Variants in FAT3 observed in about 807,000 individuals in gnomAD.
FAT3 encodes protocadherin Fat 3.
FAT3 carries 95 observed loss-of-function variants against 310.2 expected under a neutral mutation model. The observed-to-expected ratio is 0.31, with a 90% CI of 0.26 to 0.36. The LOEUF (loss-of-function observed/expected upper bound fraction) is 0.36. Among genes scored for constraint, FAT3 ranks in the 10% least tolerant of loss-of-function variants. The probability of loss-of-function intolerance (pLI) is 1.00; values close to 1 mark genes in which losing one functional copy is unlikely to be tolerated. For missense variants in FAT3, 5,408 were observed against 5,715.6 expected, an observed-to-expected ratio of 0.95 and a Z score of 1.74; for synonymous variants, 2,314 against 2,192.9, an observed-to-expected ratio of 1.06 and a Z score of -1.54.
chr11:92,852,879 T>C (rs543744693), intron 19 of FAT3, among the ~76,000 whole-genome samples: 51 of 152,196 alleles, frequency 3.4e-4, no homozygotes, highest in Non-Finnish European at 5.6e-4. Flanking sequence ...GAGCTCCAGT[T>C]GCTGGTCTAA....
chr11:92,782,507 G>A (rs925280629), intron 7 of FAT3, among the ~76,000 whole-genome samples: 34 of 152,224 alleles, frequency 2.2e-4, no homozygotes, highest in African/African-American at 7.9e-4. Context: ...GGGAGGTCGA[G>A]GCTGCAGTGA....
At chr11:92,282,030 T>G (rs1946437901) in intron 1 of FAT3, among the ~76,000 whole-genome samples, 1 of 151,958 alleles carries the variant, frequency 6.6e-6, no homozygotes, top group African/African-American at 2.4e-5. Context: ...CTCAGTCTCC[T>G]GGGGAGCTAG....
chr11:92,263,742 C>A (rs542977896), intron 1 of FAT3, among the ~76,000 whole-genome samples: 1 of 152,028 alleles, frequency 6.6e-6, no homozygotes, highest in African/African-American at 2.4e-5. Context: ...AGCATTTGCC[C>A]ATTGTATCAT....
intron 1 of FAT3, among the ~76,000 whole-genome samples, chr11:92,271,368 C>G (rs763625383): frequency 2.6e-5 from 4 of 152,152 alleles, no homozygotes; most frequent in African/African-American, 4.8e-5. Context: ...CCCTCTGCTG[C>G]TTTCTGTCTT....
At chr11:92,586,743 C>A (rs189395701) in intron 3 of FAT3, among the ~76,000 whole-genome samples, 170 of 152,010 alleles carry the variant, frequency 1.1e-3, no homozygotes, top group African/African-American at 4.0e-3. Context: ...AATAATGAGT[C>A]TGAATAATGG....
rs114520251 is a variant in FAT3 at position 92,643,023 on chromosome 11, C to A, written c.3608-54361C>A. Among the ~76,000 whole-genome samples the A allele has an allele frequency of 4.2e-3, 643 of 152,244 alleles. 4 individuals are homozygous for A. The highest frequency in any genetic ancestry group is 0.015 in the African/African-American group (611 of 41,542). ...ATGAAGCAGAATACATTATTTCAGC[C>A]TCAGGATGCTTATCTTTTGCTTTAA... On this transcript the variant is annotated intron_variant, in intron 3 of 27. Transcript: ENST00000525166.
At chr11:92,634,216 G>A (rs1368491439) in intron 3 of FAT3, among the ~76,000 whole-genome samples, 1 of 152,178 alleles carries the variant, frequency 6.6e-6, no homozygotes, top group Non-Finnish European at 1.5e-5. Context: ...TCTGTGTTGA[G>A]GTTCTGACCT....
intron 2 of FAT3, among the ~76,000 whole-genome samples, chr11:92,382,018 A>G (rs1351730486): frequency 6.6e-6 from 1 of 152,148 alleles, no homozygotes; most frequent in Non-Finnish European, 1.5e-5. Context: ...GCTAAATCTC[A>G]TAAAATGCCA....
intron 3 of FAT3, among the ~76,000 whole-genome samples, chr11:92,566,136 C>T (rs1321493779): frequency 6.6e-6 from 1 of 152,096 alleles, no homozygotes; most frequent in Non-Finnish European, 1.5e-5. Context: ...TCTAGAAAAC[C>T]CCATTGTCTC....
At chr11:92,238,767 A>T (rs566351435) in intron 1 of FAT3, among the ~76,000 whole-genome samples, 2 of 152,156 alleles carry the variant, frequency 1.3e-5, no homozygotes, top group South Asian at 4.1e-4. Context: ...TATTTTTACC[A>T]TAGAGATGAT....
At chr11:92,257,855 A>G (rs1335813690) in intron 1 of FAT3, among the ~76,000 whole-genome samples, 1 of 152,110 alleles carries the variant, frequency 6.6e-6, no homozygotes, top group Non-Finnish European at 1.5e-5. Context: ...GACTGTAAAG[A>G]TATTTGTTGA....
At chr11:92,749,229 C>T (rs780613633) in intron 4 of FAT3, among the ~76,000 whole-genome samples, 2 of 152,082 alleles carry the variant, frequency 1.3e-5, no homozygotes, top group South Asian at 4.1e-4. Flanking sequence ...AAGAGCTCAG[C>T]ATTCTGGAAA....
chr11:92,435,740 T>C (rs1950922408), intron 2 of FAT3, among the ~76,000 whole-genome samples: 1 of 151,948 alleles, frequency 6.6e-6, no homozygotes, highest in Admixed American at 6.6e-5. Context: ...CTAATTGTTG[T>C]ATTTTTAGTA....
intron 4 of FAT3, among the ~76,000 whole-genome samples, chr11:92,729,608 G>A (rs1945111260): frequency 1.3e-5 from 2 of 151,718 alleles, no homozygotes; most frequent in Non-Finnish European, 2.9e-5. Flanking sequence ...TTGTATTTTA[G>A]TAGAGACTGG....
At position 92,799,919 on chromosome 11, in the gene FAT3, T is replaced by G; in HGVS notation, c.6906T>G (p.Ile2302Met). 6.2e-7 allele frequency: 1 copy of G among 1,612,866 alleles called. No individual in the cohort carries two copies. ...CAACACTATCAGAAGCATCTCTTAT[T>G]GGGACACCTGTTTTACAAGTTGTCT... ...YNTTLSEASL[I>M]GTPVLQVVSI... The change falls in exon 10 of 28, where the codon ATT becomes ATG. Residue 2302 changes from isoleucine to methionine, a missense_variant. Around this residue, in one of 5 missense-constraint regions of FAT3, gnomAD observed 4,588 missense variants for 4,809.8 expected, o/e 0.95. Transcript: ENST00000525166.
chr11:92,798,393 A>T lies in FAT3; in HGVS notation c.5380A>T (p.Ser1794Cys). 1 of 1,613,266 alleles carries T rather than the reference A, an allele frequency of 6.2e-7. No individual in the cohort carries two copies. Among genetic ancestry groups the T allele is most frequent in the Non-Finnish European group, 8.5e-7 (1 of 1,179,732 alleles). Reference sequence around the variant, plus strand: ...TAGCATTGTCAGGAGCTTGGATAACAGCCCACTGGTGATTCGAGCCACAGA... The same window carrying T: ...TAGCATTGTCAGGAGCTTGGATAACTGCCCACTGGTGATTCGAGCCACAGA... ...INSIVRSLDN[S>C]PLVIRATDAD... The change falls in exon 10 of 28, where the codon AGC becomes TGC. Residue 1794 changes from serine (S) to cysteine (C), a missense_variant. Physicochemically the swap from Ser to Cys is moderately radical, Grantham distance 112. This residue lies in a region of FAT3 where 4,588 missense variants were observed against 4,809.8 expected (regional missense o/e 0.95). Coordinates refer to ENST00000525166, the MANE Select transcript of FAT3 (RefSeq NM_001367949.2).
chr11:92,469,906 T>A (rs908609392), intron 2 of FAT3, among the ~76,000 whole-genome samples: 2 of 152,234 alleles, frequency 1.3e-5, no homozygotes, highest in African/African-American at 4.8e-5. Context: ...AGACTTTTAA[T>A]CAAGACTTTA....
At chr11:92,494,086 A>G (rs1049585886) in intron 2 of FAT3, among the ~76,000 whole-genome samples, 1 of 149,116 alleles carries the variant, frequency 6.7e-6, no homozygotes, top group African/African-American at 2.5e-5. Flanking sequence ...TCACACTGCT[A>G]TAAAGAAATA....
chr11:92,652,659 C>T (rs1942422098), intron 3 of FAT3, among the ~76,000 whole-genome samples: 3 of 152,124 alleles, frequency 2.0e-5, no homozygotes, highest in Admixed American at 1.3e-4. Flanking sequence ...CAGAAACCGG[C>T]GAATGGGAGG....
Sources: allele counts gnomAD v4.1 joint callset (sites outside exome capture counted in the v4.1 genomes callset), GRCh38; gene constraint gnomAD v4.1.1; regional missense constraint gnomAD v4.1.1; transcripts MANE v1.5; gene names NCBI Gene and HGNC (gene_info 2026-07-23, HGNC 2026-07-21).